The following C16orf96 variants were observed in gnomAD, a reference collection of about 807,000 sequenced individuals.
The protein encoded by C16orf96 is uncharacterized protein C16orf96.
In C16orf96, 108 loss-of-function variants were observed where a neutral mutation model predicts 103.6. That is an observed-to-expected ratio of 1.04 (90% CI 0.89 to 1.22). C16orf96 has a LOEUF of 1.22. Ranked by LOEUF, C16orf96 falls within the 50% of genes most tolerant of loss-of-function variation. C16orf96 has a pLI of 0.00. For synonymous variants in C16orf96, 566 were observed against 593.5 expected (o/e 0.95, Z 0.67); for missense variants, 1,586 against 1,464.2 (o/e 1.08, Z -1.36).
At position 4,556,436 on chromosome 16, in the gene C16orf96, C is replaced by G; in HGVS notation, c.-54C>G. The G allele has an allele frequency of 6.8e-7, 1 of 1,468,846 alleles. No individual in the cohort carries two copies. 91.0% of individuals were successfully genotyped at this position (1,468,846 alleles called of 1,614,324 possible). ...AGCTCTCGGAACCACTGAAAGCTAC[C>G]CCTTGTCCTTGAGGACACCTGGAAC... On this transcript the variant is annotated 5_prime_UTR_variant, in exon 1 of 16. Transcript: ENST00000444310.
chr16:4,575,982 A>G lies in C16orf96; in HGVS notation c.1502A>G (p.Asp501Gly). Reference sequence around the variant, plus strand: ...GGTGGCAAGGATGTGGACCCCAAGGATAGAGCTCACAAGGATGATGTCCCC... The same window carrying G: ...GGTGGCAAGGATGTGGACCCCAAGGGTAGAGCTCACAAGGATGATGTCCCC... ...DRGGKDVDPK[D>G]RAHKDDVPKD... The change falls in exon 5 of 16, where the codon GAT (aspartate) becomes GGT (glycine). Residue 501 changes from aspartate (D) to glycine (G), a missense_variant. Physicochemically the swap from Asp to Gly is moderately conservative, Grantham distance 94. Transcript: ENST00000444310. The G allele has an allele frequency of 2.6e-6, 4 of 1,550,130 alleles. No homozygotes were observed. Among genetic ancestry groups the G allele is most frequent in the Non-Finnish European group, 3.5e-6 (4 of 1,146,164 alleles).
At chr16:4,549,619 G>A in the C16orf96 span, among the ~76,000 whole-genome samples, 1 of 151,862 alleles carries the variant, frequency 6.6e-6, no homozygotes, top group Non-Finnish European at 1.5e-5. Context: ...CCAACATAGG[G>A]AAACCCCATC....
At chr16:4,599,450 C>T (rs1897240506) in intron 15 of C16orf96, 86 bp downstream of exon 15, 2 of 1,192,738 alleles carry the variant, frequency 1.7e-6, no homozygotes, top group South Asian at 2.6e-5. Flanking sequence ...CCCCCACACC[C>T]CGCCTGGGCT....
At chr16:4,592,203 A>G in intron 10 of C16orf96, 102 bp from the exon 11 acceptor site, 1 of 1,425,086 alleles carries the variant, frequency 7.0e-7, no homozygotes, top group South Asian at 1.2e-5. Flanking sequence ...TGGGCCGGGC[A>G]CTGGCAGGAG....
chr16:4,571,478 G>A, intron 1 of C16orf96, 83 bp from the exon 2 acceptor site: 1 of 1,200,556 alleles, frequency 8.3e-7, no homozygotes, highest in Admixed American at 2.2e-5. Flanking sequence ...TTGAACAACG[G>A]CTATCATCAG....
At position 4,575,573 on chromosome 16, in the gene C16orf96, G is replaced by A. The variant is rs1052772599; in HGVS notation, c.1093G>A (p.Ala365Thr). ...CAGTGTGACACCTGGGTCCTTGCCA[G>A]CACCTTGGCCTGTGCTTGGACCTGT... ...GPSVTPGSLP[A>T]PWPVLGPVPA... The change falls in exon 5 of 16, where the codon GCA becomes ACA. Residue 365 changes from alanine (A) to threonine (T), a missense_variant. Physicochemically the swap from Ala to Thr is moderately conservative, Grantham distance 58 (BLOSUM62 0). Transcript: ENST00000444310. 2 of 1,527,008 alleles carry A rather than the reference G, an allele frequency of 1.3e-6. No individual in the cohort carries two copies. The highest frequency in any genetic ancestry group is 2.8e-5 in the African/African-American group (2 of 72,538). The allele number at this position is 1,527,008 out of a possible 1,614,324, so 94.6% of individuals were successfully genotyped here.
chr16:4,539,555 C>T, the C16orf96 span, among the ~76,000 whole-genome samples: 4 of 151,996 alleles, frequency 2.6e-5, no homozygotes, highest in Non-Finnish European at 5.9e-5. Context: ...TATGGTGGCA[C>T]GCACCTGTAA....
At chr16:4,547,230 G>A in the C16orf96 span, among the ~76,000 whole-genome samples, 1 of 152,194 alleles carries the variant, frequency 6.6e-6, no homozygotes, top group Non-Finnish European at 1.5e-5. Flanking sequence ...GACATCCCAG[G>A]TTCAAGCGAT....
chr16:4,547,801 CCCTT>C, the C16orf96 span, among the ~76,000 whole-genome samples: 3 of 141,160 alleles, frequency 2.1e-5, no homozygotes, highest in Admixed American at 7.1e-5. Flanking sequence ...CTCCCTCCCT[CCCTT>C]CCTTCCTTCC....
rs1472482158 is a variant in C16orf96, at chr16:4,593,340, G to GGGAGGCCGCCCCGCAT, written c.2867+32_2867+47dup. On this transcript the variant is annotated intron_variant, in intron 12 of 15. Coordinates refer to ENST00000444310, the MANE Select transcript of C16orf96 (RefSeq NM_001145011.2). The surrounding 1 kb of genome is among the most constrained non-coding windows in gnomAD (Gnocchi z 4.2). ...AGGTGAGCAGGATGGGCGCCCCGCA[G>GGGAGGCCGCCCCGCAT]GGAGGCCGCCCCGCATGGAGGCCAC... 5 of 1,545,836 alleles carry GGGAGGCCGCCCCGCAT rather than the reference G, an allele frequency of 3.2e-6. No individual in the cohort carries two copies. Among genetic ancestry groups the GGGAGGCCGCCCCGCAT allele is most frequent in the Admixed American group, 2.0e-5 (1 of 50,910 alleles).
chr16:4,580,266 C>T, intron 7 of C16orf96, 141 bp downstream of exon 7: 1 of 569,020 alleles, frequency 1.8e-6, no homozygotes, highest in Non-Finnish European at 3.0e-6. Flanking sequence ...TGGCATTTTA[C>T]TGTGTGTAAA....
In C16orf96 at chr16:4,594,488, C is replaced by G. The variant is rs1897128026; in HGVS notation, c.3005C>G (p.Pro1002Arg). The change falls in exon 13 of 16, where the codon CCC becomes CGC. Residue 1002 changes from proline to arginine, a missense_variant. By Grantham distance (103) the Pro-to-Arg change is moderately radical (BLOSUM62 -2). Transcript: ENST00000444310. The part of the protein sequence containing the change: ...NLLTLYPYGD[P>R]HVIDYDSAEV... ...TTGACGCTCTATCCCTACGGGGATC[C>G]CCACGTGATCGACTATGACAGCGTG... 1 of 1,551,306 alleles carries G rather than the reference C, an allele frequency of 6.4e-7. No individual in the cohort carries two copies. The highest frequency in any genetic ancestry group is 2.0e-5 in the Admixed American group (1 of 50,990).
At chr16:4,566,197 T>C (rs1046408265) in intron 1 of C16orf96, among the ~76,000 whole-genome samples, 11 of 152,158 alleles carry the variant, frequency 7.2e-5, no homozygotes, top group Non-Finnish European at 1.5e-4. Context: ...TTTGGGAATA[T>C]ACCTAGGATT....
At chr16:4,555,554 G>A (rs948071856), upstream of C16orf96, among the ~76,000 whole-genome samples, 1 of 151,850 alleles carries the variant, frequency 6.6e-6, no homozygotes, top group Non-Finnish European at 1.5e-5. Context: ...TGTATTTTTA[G>A]TAGAGGCGGA....
the C16orf96 span, among the ~76,000 whole-genome samples, chr16:4,550,922 C>T: frequency 6.6e-6 from 1 of 152,206 alleles, no homozygotes; most frequent in Non-Finnish European, 1.5e-5. Context: ...ATGGAATCCA[C>T]GTTGTTGGCC....
In C16orf96 at chr16:4,575,829, A is replaced by G. The variant is rs900143331; in HGVS notation, c.1349A>G (p.Gln450Arg). The G allele has an allele frequency of 4.5e-6, 7 of 1,551,188 alleles. No homozygotes were observed. Among genetic ancestry groups the G allele is most frequent in the African/African-American group, 1.4e-5 (1 of 73,166 alleles). Residue 450 changes from glutamine to arginine, a missense_variant, in exon 5 of 16, where the codon CAG becomes CGG. Physicochemically the swap from Gln to Arg is conservative, Grantham distance 43. Coordinates refer to ENST00000444310, the MANE Select transcript of C16orf96 (RefSeq NM_001145011.2). ...CAGTCTCGCCAGGGAGAAGCCCTCC[A>G]GCTCGCAGCTGTCCAAGTAAAGGGG... is the stretch of plus-strand genomic sequence containing the variant. ...PYQSRQGEAL[Q>R]LAAVQVKGEE... is the part of the protein sequence containing the mutation.
chr16:4,594,993 C>T lies in C16orf96; in HGVS notation c.3127+190C>T, dbSNP rs569860736. 6.6e-5 allele frequency among the ~76,000 whole-genome samples: 10 copies of T among 152,260 alleles called. No homozygotes were observed. In the South Asian group the frequency reaches 2.1e-3, roughly 32 times the overall value. ...AGTCTTTGCAATGGGGGAGGGAGAC[C>T]GCGGGAGCGAGGATCTGCTGTTCCC... On this transcript the variant is annotated intron_variant, in intron 14 of 15. Transcript: ENST00000444310.
At chr16:4,575,153 C>T (rs1470498237) in intron 4 of C16orf96, 21 bp from the exon 5 acceptor site, 1 of 1,544,956 alleles carries the variant, frequency 6.5e-7, no homozygotes, top group Non-Finnish European at 8.7e-7. Context: ...CAGCAGAGCC[C>T]CTCTGCCCCC....
chr16:4,551,368 C>G (rs533202510), upstream of C16orf96, among the ~76,000 whole-genome samples: 2 of 152,352 alleles, frequency 1.3e-5, no homozygotes, highest in South Asian at 4.1e-4. Flanking sequence ...CTTCATGCTT[C>G]CTTCCAAGCA....
Sources: gnomAD v4.1 joint callset for allele counts (sites outside exome capture counted in the v4.1 genomes callset) on GRCh38, gnomAD v4.1.1 for gene constraint, Gnocchi (gnomAD v3.1) non-coding constraint, MANE v1.5 for transcripts, NCBI Gene and HGNC (gene_info 2026-07-23, HGNC 2026-07-21) for gene names.